Variants in RTL9 observed in about 807,000 individuals in gnomAD.
RTL9 encodes retrotransposon Gag-like protein 9.
RTL9 carries 19 observed loss-of-function variants against 44.7 expected under a neutral mutation model. The observed-to-expected ratio is 0.42, with a 90% CI of 0.30 to 0.62. RTL9 has a LOEUF of 0.62. Among genes scored for constraint, RTL9 ranks in the 20% least tolerant of loss-of-function variants. RTL9 has a pLI of 0.16. For missense variants in RTL9, 1,105 were observed against 1,080.6 expected, an observed-to-expected ratio of 1.02 and a Z score of -0.32; for synonymous variants, 407 against 398.9, an observed-to-expected ratio of 1.02 and a Z score of -0.24.
intron 1 of RTL9, among the ~76,000 whole-genome samples, chrX:110,402,037 C>A (rs1377559791): frequency 8.9e-6 from 1 of 112,304 alleles, no homozygotes; most frequent in Non-Finnish European, 1.9e-5. Context: ...TCCCTCCCAC[C>A]AGTACGCTCA....
intron 1 of RTL9, among the ~76,000 whole-genome samples, chrX:110,384,047 T>C (rs1055791705): frequency 1.8e-5 from 2 of 112,216 alleles, no homozygotes; most frequent in African/African-American, 3.2e-5. Flanking sequence ...TTATACATCA[T>C]CATTTCTTCT....
exon 1 of RTL9, chrX:110,453,442 C>T: frequency 8.3e-7 from 1 of 1,210,787 alleles, no homozygotes; most frequent in East Asian, 3.0e-5. Flanking sequence ...GCACAAACAA[C>T]AGCCATGGTC....
At chrX:110,386,328 T>A (rs867754476) in intron 1 of RTL9, among the ~76,000 whole-genome samples, 28 of 109,988 alleles carry the variant, frequency 2.5e-4, no homozygotes, top group African/African-American at 8.8e-4. Flanking sequence ...TATTAAATTA[T>A]TATTTTTATT....
chrX:110,447,773 G>A (rs915806688), upstream of RTL9, among the ~76,000 whole-genome samples: 15 of 110,758 alleles, frequency 1.4e-4, no homozygotes, highest in African/African-American at 3.9e-4. Flanking sequence ...ATAACGACCT[G>A]AATGCCTCCC....
chrX:110,442,357 T>A (rs964614518), intron 1 of RTL9, among the ~76,000 whole-genome samples: 1 of 109,908 alleles, frequency 9.1e-6, no homozygotes, highest in African/African-American at 3.3e-5. Flanking sequence ...CAATTAATTT[T>A]AAAAAATGTT....
At chrX:110,377,816 T>C (rs2068387767) in intron 1 of RTL9, among the ~76,000 whole-genome samples, 1 of 108,853 alleles carries the variant, frequency 9.2e-6, no homozygotes. Flanking sequence ...GAGACCATCC[T>C]GGCTAACACG....
At chrX:110,394,327 T>C (rs958731354) in intron 1 of RTL9, among the ~76,000 whole-genome samples, 1 of 111,592 alleles carries the variant, frequency 9.0e-6, no homozygotes, top group African/African-American at 3.3e-5. Flanking sequence ...CACGGCTCAC[T>C]GCAGCCTCAA....
intron 1 of RTL9, among the ~76,000 whole-genome samples, chrX:110,412,552 G>T (rs1466314845): frequency 8.9e-6 from 1 of 111,887 alleles, no homozygotes; most frequent in Admixed American, 9.5e-5. Context: ...TCTGTAAAAT[G>T]GGAAAAGTAA....
At chrX:110,395,632 T>C (rs1415515615) in intron 1 of RTL9, among the ~76,000 whole-genome samples, 3 of 112,221 alleles carry the variant, frequency 2.7e-5, no homozygotes, top group African/African-American at 9.7e-5. Flanking sequence ...CAACCTTTTT[T>C]CTTTTTCTTT....
intron 1 of RTL9, among the ~76,000 whole-genome samples, chrX:110,362,783 C>T (rs1443364476): frequency 8.9e-6 from 1 of 112,171 alleles, no homozygotes; most frequent in Non-Finnish European, 1.9e-5. Context: ...TGCACTTTCA[C>T]TCATTCATTA....
chrX:110,443,570 C>T (rs1177897097), intron 1 of RTL9, among the ~76,000 whole-genome samples: 2 of 112,067 alleles, frequency 1.8e-5, no homozygotes, highest in African/African-American at 6.5e-5. Context: ...GGAAATGGGG[C>T]CAATTATGTA....
At chrX:110,452,927 A>C in exon 1 of RTL9, 1 of 1,211,571 alleles carries the variant, frequency 8.3e-7, no homozygotes, top group Non-Finnish European at 1.1e-6. Context: ...TGTCCACACC[A>C]CTAATGAGAA....
intron 1 of RTL9, among the ~76,000 whole-genome samples, chrX:110,412,074 G>A (rs901725226): frequency 3.5e-5 from 4 of 112,811 alleles, no homozygotes; most frequent in Non-Finnish European, 5.6e-5. Context: ...ACACCAATCA[G>A]TAATAATTAA....
Position 110,455,623 on chromosome X carries a change from G to A in RTL9, c.*302G>A, listed in dbSNP as rs781573913. On this transcript the variant is annotated 3_prime_UTR_variant, in exon 2 of 2. Coordinates refer to ENST00000540313, the Ensembl canonical transcript of RTL9. ...TTGGTCCAGGGAGAAGTCTAGGCAG[G>A]ATAAATCATATCTTACCTCAAAAAA... is the stretch of plus-strand genomic sequence containing the variant. 62 of 199,465 alleles carry A rather than the reference G, an allele frequency of 3.1e-4. 1 individual carries two copies. The highest frequency in any genetic ancestry group is 5.3e-4 in the Non-Finnish European group (57 of 108,260). 16.4% of individuals were successfully genotyped at this position (199,465 alleles called of 1,213,427 possible). A position where few individuals can be genotyped will look rare whatever the true frequency, so the allele number is the denominator to read the frequency against.
exon 1 of RTL9, chrX:110,451,033 C>T (rs1351139473): frequency 4.1e-6 from 5 of 1,210,217 alleles, no homozygotes; most frequent in Non-Finnish European, 5.6e-6. Flanking sequence ...GGGGTAATGT[C>T]CCCAGGGATG....
At chrX:110,432,927 G>C (rs768237770) in intron 1 of RTL9, among the ~76,000 whole-genome samples, 3 of 112,813 alleles carry the variant, frequency 2.7e-5, no homozygotes, top group Non-Finnish European at 5.6e-5. Flanking sequence ...TGAGGACCCT[G>C]TGGTTCAGGG....
At chrX:110,424,739 T>C (rs1329857362) in intron 1 of RTL9, among the ~76,000 whole-genome samples, 5 of 111,797 alleles carry the variant, frequency 4.5e-5, no homozygotes, top group African/African-American at 1.3e-4. Context: ...AATGGGGTTC[T>C]GTAAAATGTT....
At chrX:110,450,525 T>A (rs1197637309), upstream of RTL9, 10 of 777,778 alleles carry the variant, frequency 1.3e-5, no homozygotes, top group East Asian at 3.2e-4. Context: ...CAAATCTTCT[T>A]GATACTGGCT....
chrX:110,402,659 C>T (rs2068573231), intron 1 of RTL9, among the ~76,000 whole-genome samples: 1 of 112,622 alleles, frequency 8.9e-6, no homozygotes, highest in African/African-American at 3.2e-5. Flanking sequence ...AGGCTGATCT[C>T]ATCCTGAAAT....
Sources: allele counts gnomAD v4.1 joint callset (sites outside exome capture counted in the v4.1 genomes callset), GRCh38; gene constraint gnomAD v4.1.1; transcripts MANE v1.5; gene names NCBI Gene and HGNC (gene_info 2026-07-23, HGNC 2026-07-21).